Variants in PNLIP observed in about 807,000 individuals in gnomAD.
PNLIP encodes the protein pancreatic lipase, also known as pancreatic triacylglycerol lipase.
In PNLIP, 49 loss-of-function variants were observed where a neutral mutation model predicts 57.1. That is an observed-to-expected ratio of 0.86 (90% CI 0.68 to 1.09). The LOEUF is 1.09. Among genes scored for constraint, PNLIP ranks in the 50% least tolerant of loss-of-function variants. PNLIP has a pLI of 0.00. For synonymous variants in PNLIP, 209 were observed against 200.4 expected (o/e 1.04, Z -0.36); for missense variants, 503 against 570.2 (o/e 0.88, Z 1.20).
At chr10:116,548,319 A>C (rs556753934) in intron 3 of PNLIP, 41 bp from the exon 4 acceptor site, 2 of 1,606,270 alleles carry the variant, frequency 1.2e-6, no homozygotes, top group Admixed American at 3.4e-5. Context: ...TCTATTGGCT[A>C]CTATAGGAAA....
chr10:116,549,648 GT>G (rs1847169206), intron 4 of PNLIP, among the ~76,000 whole-genome samples: 1 of 152,176 alleles, frequency 6.6e-6, no homozygotes. Flanking sequence ...AACACAAGCA[GT>G]AAAACCACAA....
In PNLIP at chr10:116,551,103, G is replaced by T; in HGVS notation, c.330G>T (p.Leu110=). The T allele has an allele frequency of 6.3e-7, 1 of 1,591,320 alleles. No homozygotes were observed. Among genetic ancestry groups the T allele is most frequent in the Non-Finnish European group, 8.6e-7 (1 of 1,167,784 alleles). Residue 110 remains leucine, a synonymous_variant, in exon 5 of 13, where the codon CTG becomes CTT. Coordinates refer to ENST00000369221, the MANE Select transcript of PNLIP (RefSeq NM_000936.4). ...ENWLANVCKN[L]FKVESVNCIC... ...TATTGTGCCCCTTCCACCAGAATCTGTTCAAGGTGGAAAGTGTGAACTGTA... is the reference window on the plus strand; with the variant it reads ...TATTGTGCCCCTTCCACCAGAATCTTTTCAAGGTGGAAAGTGTGAACTGTA...
chr10:116,547,558 C>G, intron 3 of PNLIP, 110 bp downstream of exon 3: 5 of 848,034 alleles, frequency 5.9e-6, no homozygotes, highest in Non-Finnish European at 7.3e-6. Context: ...AACCCCATCT[C>G]TACTAAAAAT....
intron 3 of PNLIP, among the ~76,000 whole-genome samples, 165 bp downstream of exon 3, chr10:116,547,613 C>A (rs1212407424): frequency 2.6e-5 from 4 of 151,302 alleles, no homozygotes; most frequent in African/African-American, 9.7e-5. Context: ...GTAGTCCCAG[C>A]TACTCGGGAA....
intron 4 of PNLIP, among the ~76,000 whole-genome samples, chr10:116,550,045 C>T (rs1199576141): frequency 6.8e-6 from 1 of 146,276 alleles, no homozygotes; most frequent in Non-Finnish European, 1.5e-5. Flanking sequence ...TTCCATTATT[C>T]TCAAATTCTT....
chr10:116,561,744 A>C, intron 12 of PNLIP, 108 bp downstream of exon 12: 1 of 947,656 alleles, frequency 1.1e-6, no homozygotes, highest in Non-Finnish European at 1.6e-6. Context: ...GATCGCCTAC[A>C]TCCTAGTTGC....
intron 12 of PNLIP, among the ~76,000 whole-genome samples, chr10:116,566,047 G>A (rs959211411): frequency 3.9e-5 from 6 of 152,216 alleles, no homozygotes; most frequent in Non-Finnish European, 8.8e-5. Context: ...GACCACAGGT[G>A]ATCCACCTGC....
Position 116,555,190 on chromosome 10 carries a change from C to A in PNLIP, c.584C>A (p.Ala195Glu). ...TIGRITGLDP[A>E]EPCFQGTPEL... ...CTCTTTACTTTAGGGTTGGACCCAG[C>A]AGAACCTTGCTTTCAGGGCACACCT... The change falls in exon 7 of 13, where the codon GCA becomes GAA. Residue 195 changes from alanine (A) to glutamate (E), a missense_variant. Coordinates refer to ENST00000369221, the MANE Select transcript of PNLIP (RefSeq NM_000936.4). 1 of 1,614,146 alleles carries A rather than the reference C, an allele frequency of 6.2e-7. No homozygotes were observed. The highest frequency in any genetic ancestry group is 2.2e-5 in the East Asian group (1 of 44,878).
Position 116,547,380 on chromosome 10 carries a change from C to T in PNLIP, c.133C>T (p.Pro45Ser), listed in dbSNP as rs781778966. 1 of 1,613,950 alleles carries T rather than the reference C, an allele frequency of 6.2e-7. No homozygotes were observed. The change falls in exon 3 of 13, where the codon CCT becomes TCT. Residue 45 changes from proline to serine, a missense_variant. Pro to Ser is a moderately conservative substitution (Grantham distance 74). Transcript: ENST00000369221. ...TACGGAAAGACCCCTCCATATATTG[C>T]CTTGGTCTCCAAAAGATGTCAACAC... ...GITERPLHILPWSPKDVNTRF... is the reference protein window; with the variant it reads ...GITERPLHILSWSPKDVNTRF...
intron 3 of PNLIP, 33 bp downstream of exon 3, chr10:116,547,481 CT>C: frequency 2.5e-6 from 4 of 1,580,646 alleles, no homozygotes; most frequent in Non-Finnish European, 3.4e-6. Flanking sequence ...GAACTAAGTT[CT>C]TTGGGAGGCC....
intron 12 of PNLIP, among the ~76,000 whole-genome samples, chr10:116,562,155 T>C (rs2133208084): frequency 6.6e-6 from 1 of 152,244 alleles, no homozygotes; most frequent in Non-Finnish European, 1.5e-5. Flanking sequence ...GGTGATCTGG[T>C]GATAATCATA....
intron 2 of PNLIP, among the ~76,000 whole-genome samples, chr10:116,546,801 A>G (rs900662136): frequency 6.6e-6 from 1 of 152,112 alleles, no homozygotes; most frequent in Non-Finnish European, 1.5e-5. Context: ...GTGTTAAACC[A>G]TGGATTTTTG....
rs2915748 is a variant in PNLIP at position 116,553,753 on chromosome 10, T to C, written c.486T>C (p.Asn162=). 0.9 allele frequency: 1,457,669 copies of C among 1,611,944 alleles called. 661,331 individuals carry two copies. The highest frequency in any genetic ancestry group is 0.92 in the Non-Finnish European group (1,082,868 of 1,178,540). The part of the protein sequence containing the change: ...LQSAFGYSPS[N]VHVIGHSLGA... ...CGGCGTTCGGTTACTCACCTTCCAATGTGCATGTCATTGGCCACAGCCTGG... is the reference window on the plus strand; with the variant it reads ...CGGCGTTCGGTTACTCACCTTCCAACGTGCATGTCATTGGCCACAGCCTGG... The change falls in exon 6 of 13, where the codon AAT becomes AAC. Residue 162 remains asparagine (N), a synonymous_variant. Coordinates refer to ENST00000369221, the MANE Select transcript of PNLIP (RefSeq NM_000936.4).
Position 116,560,469 on chromosome 10 carries a change from A to G in PNLIP, c.1114A>G (p.Ile372Val). 6.2e-7 allele frequency: 1 copy of G among 1,609,568 alleles called. No individual in the cohort carries two copies. Among genetic ancestry groups the G allele is most frequent in the Non-Finnish European group, 8.5e-7 (1 of 1,177,122 alleles). ...TLSGKKVTGHILVSLFGNKGN... is the reference protein window; with the variant it reads ...TLSGKKVTGHVLVSLFGNKGN... ...GTCTGGAAAAAAGGTTACAGGACAC[A>G]TACTAGTTTCTTTGTTCGGAAATAA... The change falls in exon 11 of 13, where the codon ATA (isoleucine) becomes GTA (valine). Residue 372 changes from isoleucine (I) to valine (V), a missense_variant. Ile to Val is a conservative substitution (Grantham distance 29). Transcript: ENST00000369221.
At chr10:116,559,416 A>G (rs1589558250) in intron 10 of PNLIP, 133 bp downstream of exon 10, 1 of 670,208 alleles carries the variant, frequency 1.5e-6, no homozygotes, top group African/African-American at 1.8e-5. Flanking sequence ...AAAATGCTCA[A>G]TGCTATGTTC....
At chr10:116,558,107 C>A (rs1847272102) in intron 9 of PNLIP, among the ~76,000 whole-genome samples, 1 of 151,384 alleles carries the variant, frequency 6.6e-6, no homozygotes, top group African/African-American at 2.4e-5. Context: ...TGAAAAAAGC[C>A]TGACTTTTGA....
chr10:116,557,641 A>T (rs1847266980), intron 9 of PNLIP, among the ~76,000 whole-genome samples: 1 of 152,098 alleles, frequency 6.6e-6, no homozygotes, highest in Admixed American at 6.6e-5. Context: ...ATTTTGTTGA[A>T]TGCCAACCCT....
intron 3 of PNLIP, among the ~76,000 whole-genome samples, chr10:116,547,953 G>A (rs1036318028): frequency 1.3e-5 from 2 of 151,588 alleles, no homozygotes; most frequent in South Asian, 2.1e-4. Flanking sequence ...AATAAATATT[G>A]TAAATGTAGG....
chr10:116,560,308 C>CAA lies in PNLIP; in HGVS notation c.1061-107_1061-106dup, dbSNP rs1469325919. On this transcript the variant is annotated intron_variant, in intron 10 of 12. Transcript: ENST00000369221. ...ACACACACACACACACACACACACA[C>CAA]AATTATAAATAAATTATTCAAAACG... is the stretch of plus-strand genomic sequence containing the variant. 8.7e-6 allele frequency: 5 copies of CAA among 575,442 alleles called. No homozygotes were observed. The East Asian group carries it at 9.0e-5, about 10-fold the overall frequency. 35.6% of individuals were successfully genotyped at this position (575,442 alleles called of 1,614,324 possible). A position where few individuals can be genotyped will look rare whatever the true frequency, so the allele number is the denominator to read the frequency against.
Sources: allele counts gnomAD v4.1 joint callset (sites outside exome capture counted in the v4.1 genomes callset), GRCh38; gene constraint gnomAD v4.1.1; transcripts MANE v1.5; gene names NCBI Gene and HGNC (gene_info 2026-07-23, HGNC 2026-07-21).